The following SP140L variants were observed in gnomAD, a reference collection of about 807,000 sequenced individuals.
The protein encoded by SP140L is SP140 like nuclear body protein.
Under a neutral mutation model 84.3 loss-of-function variants are expected in SP140L, and 64 were observed. The observed-to-expected ratio is 0.76, with a 90% CI of 0.62 to 0.94. The LOEUF (loss-of-function observed/expected upper bound fraction) is 0.94. Among genes scored for constraint, SP140L ranks in the 40% least tolerant of loss-of-function variants. The probability of loss-of-function intolerance (pLI) is 0.00; values close to 1 mark genes in which losing one functional copy is unlikely to be tolerated. For synonymous variants in SP140L, 242 were observed against 236.9 expected (o/e 1.02, Z -0.20); for missense variants, 628 against 692.5 (o/e 0.91, Z 1.05).
chr2:230,380,533 G>T (rs2061370000), intron 7 of SP140L, among the ~76,000 whole-genome samples: 2 of 151,978 alleles, frequency 1.3e-5, no homozygotes, highest in South Asian at 2.1e-4. Flanking sequence ...AGTACCATTG[G>T]ATGAGTTCTT....
intron 2 of SP140L, among the ~76,000 whole-genome samples, chr2:230,355,972 TAAATA>T (rs2060533548): frequency 6.6e-6 from 1 of 152,040 alleles, no homozygotes; most frequent in African/African-American, 2.4e-5. Flanking sequence ...TACCTGTCAA[TAAATA>T]AAATAAAATT....
intron 7 of SP140L, chr2:230,372,490 C>G (rs986424207): frequency 6.6e-6 from 1 of 152,090 alleles, no homozygotes; most frequent in African/African-American, 2.4e-5. Flanking sequence ...CTTTGGGAGG[C>G]CGAGACGGGC....
intron 2 of SP140L, 150 bp downstream of exon 2, chr2:230,328,981 C>CT: frequency 4.0e-6 from 5 of 1,263,718 alleles, no homozygotes; most frequent in African/African-American, 1.5e-5. Context: ...AGGTGTTTGT[C>CT]TTTTTTTCAT....
chr2:230,379,070 A>G (rs1468648312), intron 7 of SP140L, among the ~76,000 whole-genome samples: 1 of 152,150 alleles, frequency 6.6e-6, no homozygotes, highest in Non-Finnish European at 1.5e-5. Context: ...TAATGTTGTT[A>G]TATAAACTTT....
intron 5 of SP140L, among the ~76,000 whole-genome samples, chr2:230,363,396 G>A (rs1044078686): frequency 1.3e-5 from 2 of 151,996 alleles, no homozygotes; most frequent in African/African-American, 4.8e-5. Flanking sequence ...GTTTCAATTT[G>A]TATTTTCTTG....
At chr2:230,340,898 G>A (rs1462517379) in intron 2 of SP140L, among the ~76,000 whole-genome samples, 8 of 148,512 alleles carry the variant, frequency 5.4e-5, no homozygotes, top group Non-Finnish European at 1.1e-4. Flanking sequence ...AGGGTAACCC[G>A]AGCTTTCTCT....
Position 230,363,194 on chromosome 2 carries a change from G to A in SP140L, c.523+1497G>A, listed in dbSNP as rs1156454068. Among the ~76,000 whole-genome samples the A allele has an allele frequency of 3.3e-5, 5 of 152,306 alleles. No individual in the cohort carries two copies. In the East Asian group the frequency reaches 9.6e-4, roughly 29 times the overall value. On this transcript the variant is annotated intron_variant, in intron 5 of 18. Transcript: ENST00000415673. The stretch of plus-strand genomic sequence containing the variant: ...TGGATATATATTCAGCAGTGGGACT[G>A]ATGGATCATATGGCAGTTCTATTTT...
intron 5 of SP140L, among the ~76,000 whole-genome samples, chr2:230,366,515 A>T (rs2060874750): frequency 6.6e-6 from 1 of 151,782 alleles, no homozygotes; most frequent in Non-Finnish European, 1.5e-5. Context: ...TATCCTTAAA[A>T]GTGAAGTGAG....
At chr2:230,334,394 T>C (rs1418824731) in intron 2 of SP140L, among the ~76,000 whole-genome samples, 2 of 152,254 alleles carry the variant, frequency 1.3e-5, no homozygotes, top group Non-Finnish European at 2.9e-5. Flanking sequence ...GCTGCTTTTC[T>C]GCCTGTAACT....
intron 2 of SP140L, among the ~76,000 whole-genome samples, chr2:230,346,506 C>T (rs2060213183): frequency 6.6e-6 from 1 of 152,068 alleles, no homozygotes; most frequent in South Asian, 2.1e-4. Context: ...TCTGTAATTT[C>T]CATAATTTGT....
intron 2 of SP140L, among the ~76,000 whole-genome samples, chr2:230,347,633 C>T (rs1285392055): frequency 6.6e-6 from 1 of 152,134 alleles, no homozygotes; most frequent in Non-Finnish European, 1.5e-5. Flanking sequence ...AGGCTAGAGG[C>T]CATACTCTGT....
chr2:230,344,620 G>A (rs114511226), intron 2 of SP140L, among the ~76,000 whole-genome samples: 6 of 152,224 alleles, frequency 3.9e-5, no homozygotes, highest in African/African-American at 7.2e-5. Flanking sequence ...GTGTCACTGC[G>A]CTGTGTACTT....
intron 2 of SP140L, among the ~76,000 whole-genome samples, chr2:230,357,594 C>T (rs1398569179): frequency 6.6e-6 from 1 of 151,954 alleles, no homozygotes; most frequent in Non-Finnish European, 1.5e-5. Context: ...TTTTCAGTGC[C>T]CTCTATATTA....
At chr2:230,368,386 T>C (rs1043335073) in intron 5 of SP140L, among the ~76,000 whole-genome samples, 2 of 152,234 alleles carry the variant, frequency 1.3e-5, no homozygotes, top group African/African-American at 2.4e-5. Context: ...TCTGTTCTCT[T>C]GCTGCTTTCA....
intron 5 of SP140L, among the ~76,000 whole-genome samples, chr2:230,368,292 A>G (rs538537612): frequency 6.6e-6 from 1 of 152,202 alleles, no homozygotes; most frequent in South Asian, 2.1e-4. Flanking sequence ...TTAATATGTC[A>G]TTTCACGGTT....
chr2:230,397,327 G>A (rs1324145176), intron 14 of SP140L, among the ~76,000 whole-genome samples: 1 of 152,222 alleles, frequency 6.6e-6, no homozygotes, highest in Non-Finnish European at 1.5e-5. Flanking sequence ...CTGTAAAGGA[G>A]TACATACAGG....
At chr2:230,332,592 G>A (rs965593976) in intron 2 of SP140L, among the ~76,000 whole-genome samples, 9 of 152,180 alleles carry the variant, frequency 5.9e-5, no homozygotes, top group African/African-American at 1.9e-4. Flanking sequence ...TTTAAATGAT[G>A]TTCATAACCA....
intron 8 of SP140L, among the ~76,000 whole-genome samples, chr2:230,383,793 A>G (rs1174227400): frequency 6.6e-6 from 1 of 152,210 alleles, no homozygotes; most frequent in African/African-American, 2.4e-5. Flanking sequence ...CCCACAGTTA[A>G]TAGGGAGGTC....
In SP140L at chr2:230,392,086, G is replaced by A. The variant is rs757337409; in HGVS notation, c.965-1G>A. ...AGGATCAAGTTACCCTGGTCTTACA[G>A]GAACCTTGGCAAAGTGTATACAGAC... On this transcript the variant is annotated splice_acceptor_variant, in intron 11 of 18. Transcript: ENST00000415673. LOFTEE classifies it high-confidence loss of function. 2 of 1,613,834 alleles carry A rather than the reference G, an allele frequency of 1.2e-6. No individual in the cohort carries two copies. The highest frequency in any genetic ancestry group is 1.1e-5 in the South Asian group (1 of 91,084).
Sources: allele counts gnomAD v4.1 joint callset (sites outside exome capture counted in the v4.1 genomes callset), GRCh38; gene constraint gnomAD v4.1.1; transcripts MANE v1.5; gene names NCBI Gene and HGNC (gene_info 2026-07-23, HGNC 2026-07-21).